AP2B1: variants seen among roughly 807,000 people sequenced by gnomAD.
AP2B1 encodes the protein adaptor related protein complex 2 subunit beta 1.
Under a neutral mutation model 102.0 loss-of-function variants are expected in AP2B1, and 23 were observed. That is an observed-to-expected ratio of 0.23 (90% confidence interval 0.16 to 0.32). The LOEUF (loss-of-function observed/expected upper bound fraction) is 0.32, where lower values mean the gene tolerates loss of function less well. Ranked by LOEUF, AP2B1 falls within the 10% of genes least tolerant of loss-of-function variation. AP2B1 has a pLI of 1.00. For missense variants in AP2B1, 541 were observed against 1,157.4 expected (o/e 0.47, Z 7.73); for synonymous variants, 381 against 421.2 (o/e 0.90, Z 1.17).
At chr17:35,631,517 G>A (rs370444300) in intron 9 of AP2B1, among the ~76,000 whole-genome samples, 10 of 151,878 alleles carry the variant, frequency 6.6e-5, no homozygotes, top group South Asian at 6.2e-4. Flanking sequence ...TTATAAAAAT[G>A]AAATCATTCC....
chr17:35,627,375 T>C lies in AP2B1; in HGVS notation c.939-10T>C, dbSNP rs751801469. The C allele has an allele frequency of 6.2e-7, 1 of 1,612,464 alleles. No homozygotes were observed. Among genetic ancestry groups the C allele is most frequent in the Non-Finnish European group, 8.5e-7 (1 of 1,179,740 alleles). ...TTCACCTTCCTTTCTTCTGTTTCTG[T>C]GTACCCTAGGCCTGAAATCTTGAAG... On this transcript the variant is annotated splice_polypyrimidine_tract_variant and intron_variant, in intron 7 of 21. Coordinates refer to ENST00000610402, the MANE Select transcript of AP2B1 (RefSeq NM_001030006.2).
chr17:35,617,560 A>G (rs988773635), intron 5 of AP2B1, among the ~76,000 whole-genome samples: 3 of 152,116 alleles, frequency 2.0e-5, no homozygotes, highest in African/African-American at 4.8e-5. Context: ...AAATGAAGCT[A>G]AATCTAAGAG....
At chr17:35,698,030 A>G (rs1477421703) in intron 18 of AP2B1, among the ~76,000 whole-genome samples, 1 of 152,176 alleles carries the variant, frequency 6.6e-6, no homozygotes, top group Non-Finnish European at 1.5e-5. Flanking sequence ...TAAGAAAACA[A>G]TTTTTTCAGG....
intron 20 of AP2B1, among the ~76,000 whole-genome samples, chr17:35,715,742 G>A (rs2076538801): frequency 6.6e-6 from 1 of 152,174 alleles, no homozygotes; most frequent in Non-Finnish European, 1.5e-5. Flanking sequence ...TTGCATAGAT[G>A]TACCCTGAGA....
chr17:35,638,807 A>T (rs971078457), intron 10 of AP2B1, among the ~76,000 whole-genome samples: 2 of 131,988 alleles, frequency 1.5e-5, no homozygotes, highest in African/African-American at 5.7e-5. Context: ...AAAAAAAAAA[A>T]GAAAGCTCTC....
chr17:35,696,270 T>G (rs1055589253), intron 18 of AP2B1, among the ~76,000 whole-genome samples: 13 of 152,120 alleles, frequency 8.5e-5, no homozygotes, highest in Non-Finnish European at 1.8e-4. Context: ...ATCGTATAGC[T>G]TACTTACTTA....
intron 18 of AP2B1, among the ~76,000 whole-genome samples, chr17:35,706,679 C>T (rs1247406284): frequency 1.3e-5 from 2 of 151,848 alleles, no homozygotes; most frequent in Non-Finnish European, 2.9e-5. Context: ...TCACTCTTGT[C>T]ACCCAGGCCA....
At chr17:35,607,965 A>C (rs1226883765) in intron 4 of AP2B1, 177 bp from the exon 5 acceptor site, 1 of 719,810 alleles carries the variant, frequency 1.4e-6, no homozygotes, top group East Asian at 2.7e-5. Context: ...CTAAACTCTT[A>C]AATAGGGCAG....
At chr17:35,698,730 A>G (rs1257125205) in intron 18 of AP2B1, among the ~76,000 whole-genome samples, 1 of 152,196 alleles carries the variant, frequency 6.6e-6, no homozygotes, top group Non-Finnish European at 1.5e-5. Context: ...ATGGCTTTAC[A>G]GGGGCAGGGT....
At chr17:35,629,575 G>A (rs189833521) in intron 9 of AP2B1, among the ~76,000 whole-genome samples, 5 of 152,078 alleles carry the variant, frequency 3.3e-5, no homozygotes, top group South Asian at 2.1e-4. Context: ...TTTAATTATC[G>A]GATATTTTTT....
At chr17:35,633,367 A>AG (rs1427308504) in intron 9 of AP2B1, among the ~76,000 whole-genome samples, 4 of 151,868 alleles carry the variant, frequency 2.6e-5, no homozygotes, top group Admixed American at 2.0e-4. Context: ...CAAAAAAAAA[A>AG]AAAACAGACT....
intron 14 of AP2B1, among the ~76,000 whole-genome samples, chr17:35,658,381 A>G (rs2075282558): frequency 6.7e-6 from 1 of 149,586 alleles, no homozygotes; most frequent in Admixed American, 6.8e-5. Flanking sequence ...CCATTCTATC[A>G]TACTTCCAAT....
At chr17:35,719,229 C>T (rs587678189) in intron 21 of AP2B1, among the ~76,000 whole-genome samples, 3 of 152,108 alleles carry the variant, frequency 2.0e-5, no homozygotes, top group African/African-American at 7.2e-5. Context: ...AGACATTATT[C>T]TAATTTCACC....
At chr17:35,662,059 G>A (rs1423709409) in intron 14 of AP2B1, among the ~76,000 whole-genome samples, 1 of 152,144 alleles carries the variant, frequency 6.6e-6, no homozygotes, top group African/African-American at 2.4e-5. Context: ...TCCATCAATA[G>A]TAGTGACTCT....
intron 14 of AP2B1, among the ~76,000 whole-genome samples, chr17:35,667,933 A>ATTTTTTTTTTTTTTTTTTTTTTTTTT (rs34486349): frequency 8.3e-6 from 1 of 120,176 alleles, no homozygotes. Flanking sequence ...CGCTGCTCAA[A>ATTTTTTTTTTTTTTTTTTTTTTTTTT]TTTTTTTTTT....
intron 9 of AP2B1, among the ~76,000 whole-genome samples, chr17:35,628,774 T>TA (rs2074383848): frequency 6.6e-6 from 1 of 152,236 alleles, no homozygotes; most frequent in African/African-American, 2.4e-5. Flanking sequence ...TAATGAAGGT[T>TA]TTTGTTCCTA....
At chr17:35,662,386 G>A (rs1402823349) in intron 14 of AP2B1, among the ~76,000 whole-genome samples, 1 of 152,090 alleles carries the variant, frequency 6.6e-6, no homozygotes, top group Non-Finnish European at 1.5e-5. Flanking sequence ...GTAAATTCAA[G>A]TAATGTAGTT....
chr17:35,651,839 T>C (rs1348994567), intron 13 of AP2B1, among the ~76,000 whole-genome samples: 3 of 152,218 alleles, frequency 2.0e-5, no homozygotes, highest in African/African-American at 7.2e-5. Flanking sequence ...GATTAGTCTT[T>C]ATAGTAAGTT....
intron 21 of AP2B1, among the ~76,000 whole-genome samples, chr17:35,720,749 AT>A (rs2085365429): frequency 6.6e-6 from 1 of 151,022 alleles, no homozygotes; most frequent in African/African-American, 2.4e-5. Flanking sequence ...ATATTTTTAA[AT>A]GGTGAATTTG....
Sources: allele counts gnomAD v4.1 joint callset (sites outside exome capture counted in the v4.1 genomes callset), GRCh38; gene constraint gnomAD v4.1.1; transcripts MANE v1.5; gene names NCBI Gene and HGNC (gene_info 2026-07-23, HGNC 2026-07-21).